ADCY2: variants seen among roughly 807,000 people sequenced by gnomAD.
ADCY2 encodes the protein adenylate cyclase type 2.
Under a neutral mutation model 125.2 loss-of-function variants are expected in ADCY2, and 31 were observed. The observed-to-expected ratio is 0.25, with a 90% confidence interval of 0.19 to 0.33. The LOEUF (loss-of-function observed/expected upper bound fraction) is 0.33. Ranked by LOEUF, ADCY2 falls within the 10% of genes least tolerant of loss-of-function variation. The pLI, the probability that ADCY2 is intolerant of heterozygous loss-of-function variation, is 1.00. For missense variants in ADCY2, 904 were observed against 1,418.2 expected (o/e 0.64, Z 5.82); for synonymous variants, 512 against 548.4 (o/e 0.93, Z 0.93).
chr5:7,702,807 T>C (rs1187295272), intron 7 of ADCY2, among the ~76,000 whole-genome samples: 1 of 152,190 alleles, frequency 6.6e-6, no homozygotes, highest in Non-Finnish European at 1.5e-5. Context: ...CACCACACTG[T>C]CTTCCACAAT....
chr5:7,723,010 A>G (rs1741813073), intron 12 of ADCY2, among the ~76,000 whole-genome samples: 1 of 146,298 alleles, frequency 6.8e-6, no homozygotes, highest in Non-Finnish European at 1.5e-5. Context: ...AAGGACATGG[A>G]TGGAGCTGGA....
intron 1 of ADCY2, among the ~76,000 whole-genome samples, chr5:7,412,508 G>A (rs1344001684): frequency 1.3e-5 from 2 of 152,128 alleles, no homozygotes; most frequent in Non-Finnish European, 2.9e-5. Flanking sequence ...TCTGAGTGCC[G>A]GGGAGTGCTC....
intron 3 of ADCY2, among the ~76,000 whole-genome samples, chr5:7,589,352 T>C (rs1162876435): frequency 9.9e-6 from 1 of 100,762 alleles, no homozygotes; most frequent in African/African-American, 3.8e-5. Context: ...TAAAAAAGAC[T>C]GGAAAGAAAT....
chr5:7,404,400 A>G (rs1218722208), intron 1 of ADCY2, among the ~76,000 whole-genome samples: 2 of 152,174 alleles, frequency 1.3e-5, no homozygotes, highest in Non-Finnish European at 2.9e-5. Context: ...ACAACTCCAA[A>G]GTCTTCCTGG....
intron 15 of ADCY2, among the ~76,000 whole-genome samples, chr5:7,745,927 C>G (rs530472890): frequency 1.3e-5 from 2 of 152,268 alleles, no homozygotes; most frequent in South Asian, 4.1e-4. Flanking sequence ...ATCTCAGGAA[C>G]AACTCTGCTG....
intron 2 of ADCY2, among the ~76,000 whole-genome samples, chr5:7,439,723 T>C (rs748591902): frequency 6.6e-5 from 10 of 152,150 alleles, no homozygotes; most frequent in Non-Finnish European, 1.3e-4. Flanking sequence ...CCAGAGTCCA[T>C]ATTTTATACA....
intron 12 of ADCY2, among the ~76,000 whole-genome samples, chr5:7,720,885 G>A (rs922131236): frequency 2.6e-5 from 4 of 152,202 alleles, no homozygotes; most frequent in African/African-American, 9.7e-5. Context: ...ATAGCAGCAT[G>A]TTTTATAATC....
intron 11 of ADCY2, among the ~76,000 whole-genome samples, chr5:7,716,423 A>T (rs1432611776): frequency 1.3e-5 from 2 of 152,226 alleles, no homozygotes; most frequent in Non-Finnish European, 2.9e-5. Flanking sequence ...TATGAAGGCA[A>T]CAAGTCAAAA....
chr5:7,520,666 G>A (rs1395835796), intron 2 of ADCY2, 72 bp from the exon 3 acceptor site: 13 of 1,542,758 alleles, frequency 8.4e-6, no homozygotes, highest in African/African-American at 1.4e-5. Context: ...AGCCTTTAGT[G>A]GCATGGAAAC....
intron 4 of ADCY2, among the ~76,000 whole-genome samples, chr5:7,655,090 C>T (rs1178786993): frequency 1.3e-5 from 2 of 152,060 alleles, no homozygotes; most frequent in Non-Finnish European, 2.9e-5. Context: ...AGGCTTTTGT[C>T]GTGGAAGTCG....
At chr5:7,472,125 T>C (rs901455404) in intron 2 of ADCY2, among the ~76,000 whole-genome samples, 1 of 152,208 alleles carries the variant, frequency 6.6e-6, no homozygotes, top group Admixed American at 6.5e-5. Flanking sequence ...TCAGCTATTA[T>C]GTCTTTTCCT....
At chr5:7,756,456 A>T (rs192094660) in intron 15 of ADCY2, among the ~76,000 whole-genome samples, 408 of 152,252 alleles carry the variant, frequency 2.7e-3, no homozygotes, top group Non-Finnish European at 4.3e-3. Context: ...ATGAATGGAT[A>T]AAAAAAAGTA....
chr5:7,679,689 C>G (rs779278158), intron 4 of ADCY2, among the ~76,000 whole-genome samples: 66 of 152,244 alleles, frequency 4.3e-4, no homozygotes, highest in South Asian at 8.3e-4. Context: ...GGCAGCTGGG[C>G]ACATGGGCAG....
chr5:7,658,947 C>G (rs1025091000), intron 4 of ADCY2, among the ~76,000 whole-genome samples: 1 of 152,112 alleles, frequency 6.6e-6, no homozygotes. Flanking sequence ...CTCATTTCAT[C>G]CAAAAACAAC....
intron 2 of ADCY2, among the ~76,000 whole-genome samples, chr5:7,451,335 TG>T (rs1362484715): frequency 6.6e-6 from 1 of 152,230 alleles, no homozygotes; most frequent in Admixed American, 6.5e-5. Flanking sequence ...TCAACCCTCA[TG>T]GGTGACTTCG....
chr5:7,501,639 T>TC (rs1491333374), intron 2 of ADCY2, among the ~76,000 whole-genome samples: 2,475 of 36,872 alleles, frequency 0.067, 54 homozygotes, highest in South Asian at 0.091. Context: ...AGAATGAGAT[T>TC]CCCCCCTCCC....
In ADCY2 at chr5:7,692,167, T is replaced by C. The variant is rs545557905; in HGVS notation, c.869+1328T>C. 4.6e-5 allele frequency: 7 copies of C among 152,350 alleles called. No homozygotes were observed. In the South Asian group the frequency reaches 1.2e-3, roughly 27 times the overall value. 9.4% of individuals were successfully genotyped at this position (152,350 alleles called of 1,614,324 possible). A position where few individuals can be genotyped will look rare whatever the true frequency, so the allele number is the denominator to read the frequency against. On this transcript the variant is annotated intron_variant, in intron 5 of 24. Coordinates refer to ENST00000338316, the MANE Select transcript of ADCY2 (RefSeq NM_020546.3). ...GAATCTGACCTCATCTGTTATGTTT[T>C]GATGGTCTTCGTTTAGTCATTAGAG...
At chr5:7,658,194 C>G (rs571310824) in intron 4 of ADCY2, 1 of 152,282 alleles carries the variant, frequency 6.6e-6, no homozygotes. Context: ...AACCCCTGCA[C>G]GCTGGGTGGA....
chr5:7,762,072 G>T (rs1156466085), intron 16 of ADCY2, among the ~76,000 whole-genome samples: 1 of 152,198 alleles, frequency 6.6e-6, no homozygotes, highest in Non-Finnish European at 1.5e-5. Context: ...GTAGGAGCAG[G>T]AAATAAGCTA....
Sources: allele counts gnomAD v4.1 joint callset (sites outside exome capture counted in the v4.1 genomes callset), GRCh38; gene constraint gnomAD v4.1.1; transcripts MANE v1.5; gene names NCBI Gene and HGNC (gene_info 2026-07-23, HGNC 2026-07-21).